ASIC2: variants seen among roughly 807,000 people sequenced by gnomAD.
ASIC2 encodes the protein acid sensing ion channel subunit 2, also known as acid-sensing ion channel 2.
ASIC2 carries 25 observed loss-of-function variants against 57.3 expected under a neutral mutation model. The ratio of observed to expected loss-of-function variants is 0.44; its 90% CI spans 0.32 to 0.61. The LOEUF (loss-of-function observed/expected upper bound fraction) is 0.61, where lower values mean the gene tolerates loss of function less well. ASIC2 is among the 20% of genes least tolerant of loss of function. The pLI, the probability that ASIC2 is intolerant of heterozygous loss-of-function variation, is 0.06. For missense variants in ASIC2, 641 were observed against 738.1 expected, an observed-to-expected ratio of 0.87 and a Z score of 1.52; for synonymous variants, 319 against 307.5, an observed-to-expected ratio of 1.04 and a Z score of -0.39.
At chr17:33,856,702 G>T (rs1458236948) in intron 1 of ASIC2, among the ~76,000 whole-genome samples, 2 of 152,162 alleles carry the variant, frequency 1.3e-5, no homozygotes, top group Admixed American at 6.5e-5. Flanking sequence ...GTGAGTGTGA[G>T]TTGGTGTGTT....
At chr17:34,099,192 GAAAGAAAGAAA>G (rs1910697709) in intron 1 of ASIC2, among the ~76,000 whole-genome samples, 1 of 85,346 alleles carries the variant, frequency 1.2e-5, no homozygotes, top group African/African-American at 5.5e-5. Flanking sequence ...AAGAAAGAAA[GAAAGAAAGAAA>G]GAAAGAAAGG....
intron 1 of ASIC2, among the ~76,000 whole-genome samples, chr17:33,758,264 A>G (rs1405465314): frequency 6.6e-6 from 1 of 152,224 alleles, no homozygotes; most frequent in Non-Finnish European, 1.5e-5. Context: ...TCATATGAGT[A>G]TAGATATTGC....
chr17:34,094,056 G>A (rs1012417403), intron 1 of ASIC2, among the ~76,000 whole-genome samples: 2 of 152,136 alleles, frequency 1.3e-5, no homozygotes, highest in Middle Eastern at 3.2e-3. Context: ...ATTGACAGGA[G>A]GAAGAAGAAC....
chr17:33,586,916 T>G (rs1904657734), intron 1 of ASIC2, among the ~76,000 whole-genome samples: 2 of 152,352 alleles, frequency 1.3e-5, no homozygotes, highest in Admixed American at 6.5e-5. Flanking sequence ...AGACTTGATC[T>G]GTTTTGATCT....
At chr17:33,254,157 G>GCAACTATT (rs1908977267) in intron 1 of ASIC2, among the ~76,000 whole-genome samples, 1 of 152,180 alleles carries the variant, frequency 6.6e-6, no homozygotes, top group African/African-American at 2.4e-5. Flanking sequence ...GGAGGCTCAG[G>GCAACTATT]CAACTATTCC....
intron 1 of ASIC2, among the ~76,000 whole-genome samples, chr17:33,839,091 A>G (rs1488607099): frequency 3.9e-5 from 6 of 152,240 alleles, no homozygotes; most frequent in Non-Finnish European, 8.8e-5. Flanking sequence ...TCCTTGAAAG[A>G]GCTGCTCTTA....
At chr17:33,921,660 G>C (rs1044476948) in intron 1 of ASIC2, among the ~76,000 whole-genome samples, 4 of 152,126 alleles carry the variant, frequency 2.6e-5, no homozygotes, top group Non-Finnish European at 5.9e-5. Flanking sequence ...AAACACTCCA[G>C]TATTTAAGGA....
chr17:33,611,186 C>G (rs571307838), intron 1 of ASIC2, among the ~76,000 whole-genome samples: 147 of 152,306 alleles, frequency 9.7e-4, no homozygotes, highest in African/African-American at 3.3e-3. Context: ...CCCTTTCCCC[C>G]TCTCCTGTCC....
chr17:33,814,887 CTT>C (rs2141888593), intron 1 of ASIC2, among the ~76,000 whole-genome samples: 1 of 152,294 alleles, frequency 6.6e-6, no homozygotes, highest in African/African-American at 2.4e-5. Flanking sequence ...TCTGTAGTCT[CTT>C]TATCTGTGGC....
At chr17:33,571,520 A>T (rs754758547) in intron 1 of ASIC2, among the ~76,000 whole-genome samples, 9 of 152,048 alleles carry the variant, frequency 5.9e-5, no homozygotes, top group Admixed American at 1.3e-4. Context: ...CCCATTGATA[A>T]CCCCTCTCCC....
chr17:33,819,040 G>C (rs948088322), intron 1 of ASIC2, among the ~76,000 whole-genome samples: 1 of 152,160 alleles, frequency 6.6e-6, no homozygotes, highest in South Asian at 2.1e-4. Flanking sequence ...GGAGTCTTTT[G>C]GGTTATGACC....
intron 1 of ASIC2, among the ~76,000 whole-genome samples, chr17:33,643,384 T>A (rs1597818901): frequency 6.6e-6 from 1 of 152,238 alleles, no homozygotes; most frequent in African/African-American, 2.4e-5. Flanking sequence ...TTATTTTACT[T>A]CTTCTCCTTT....
At chr17:33,858,158 C>T (rs1914011130) in intron 1 of ASIC2, among the ~76,000 whole-genome samples, 1 of 152,230 alleles carries the variant, frequency 6.6e-6, no homozygotes, top group Admixed American at 6.5e-5. Flanking sequence ...TCACCCCAGC[C>T]TCTACCCTGT....
At chr17:33,503,254 C>T (rs959560827) in intron 1 of ASIC2, among the ~76,000 whole-genome samples, 1 of 152,150 alleles carries the variant, frequency 6.6e-6, no homozygotes, top group Non-Finnish European at 1.5e-5. Context: ...TTGTGATAAA[C>T]AGACAAGTGG....
At chr17:33,368,167 G>T (rs758035460) in intron 1 of ASIC2, among the ~76,000 whole-genome samples, 3 of 152,206 alleles carry the variant, frequency 2.0e-5, no homozygotes, top group Middle Eastern at 3.2e-3. Context: ...GGGATACAGT[G>T]GAAGGGTACT....
At chr17:34,101,421 G>A (rs1005915845) in intron 1 of ASIC2, among the ~76,000 whole-genome samples, 3 of 152,094 alleles carry the variant, frequency 2.0e-5, no homozygotes, top group Non-Finnish European at 4.4e-5. Flanking sequence ...TTACCACTTC[G>A]TCAAGTGCTT....
chr17:33,165,573 G>T (rs945854749), intron 1 of ASIC2, among the ~76,000 whole-genome samples: 1 of 152,028 alleles, frequency 6.6e-6, no homozygotes, highest in Admixed American at 6.6e-5. Context: ...AGGGGAATCT[G>T]ATTATTCTCT....
chr17:33,232,446 A>AATTGT (rs1479761469), intron 1 of ASIC2, among the ~76,000 whole-genome samples: 2 of 127,952 alleles, frequency 1.6e-5, no homozygotes, highest in Non-Finnish European at 3.3e-5. Context: ...TATGGTATGG[A>AATTGT]ATGGTATGGT....
intron 1 of ASIC2, among the ~76,000 whole-genome samples, chr17:33,850,741 G>A (rs1164450393): frequency 1.3e-5 from 2 of 152,084 alleles, no homozygotes; most frequent in Admixed American, 1.3e-4. Context: ...CAGGTGCTAT[G>A]CATTGAGCCC....
Sources: allele counts gnomAD v4.1 joint callset (sites outside exome capture counted in the v4.1 genomes callset), GRCh38; gene constraint gnomAD v4.1.1; transcripts MANE v1.5; gene names NCBI Gene and HGNC (gene_info 2026-07-23, HGNC 2026-07-21).